The following NRAP variants were observed in gnomAD, a reference collection of about 807,000 sequenced individuals.
NRAP encodes nebulin related anchoring protein.
NRAP carries 189 observed loss-of-function variants against 225.9 expected under a neutral mutation model. The ratio of observed to expected loss-of-function variants is 0.84; its 90% CI spans 0.74 to 0.94. NRAP has a LOEUF of 0.94. Among genes scored for constraint, NRAP ranks in the 40% least tolerant of loss-of-function variants. The pLI, the probability that NRAP is intolerant of heterozygous loss-of-function variation, is 0.00. For synonymous variants in NRAP, 769 were observed against 790.7 expected (o/e 0.97, Z 0.46); for missense variants, 2,176 against 2,168.7 (o/e 1.00, Z -0.07).
chr10:113,635,078 TC>T (rs1242888688), intron 14 of NRAP, among the ~76,000 whole-genome samples: 1 of 152,224 alleles, frequency 6.6e-6, no homozygotes, highest in African/African-American at 2.4e-5. Flanking sequence ...ACTGCCTGGT[TC>T]CCACCTCAAG....
chr10:113,658,378 C>CA (rs1186407168), intron 3 of NRAP, among the ~76,000 whole-genome samples: 3 of 152,064 alleles, frequency 2.0e-5, no homozygotes, highest in African/African-American at 7.2e-5. Flanking sequence ...TCCATTTCCA[C>CA]AAAAAAACAC....
intron 35 of NRAP, among the ~76,000 whole-genome samples, chr10:113,599,778 C>T (rs563793428): frequency 3.9e-5 from 6 of 151,986 alleles, no homozygotes; most frequent in East Asian, 1.9e-4. Flanking sequence ...AAGATGGTTT[C>T]GAAGAAGGAT....
Position 113,588,910 on chromosome 10 carries a change from T to C in NRAP, c.*65A>G. 3.0e-6 allele frequency: 4 copies of C among 1,317,552 alleles called. No individual in the cohort carries two copies. Among genetic ancestry groups the C allele is most frequent in the Non-Finnish European group, 4.4e-6 (4 of 914,468 alleles). The allele number at this position is 1,317,552 out of a possible 1,614,324, so 81.6% of individuals were successfully genotyped here. ...TTCCAGCTTGCCGAAATCAAAGCCA[T>C]CTGAAGCCTGTCTCTGGTGAACAAA... On this transcript the variant is annotated 3_prime_UTR_variant, in exon 42 of 42. Transcript: ENST00000359988.
rs565656967 is a variant in NRAP, at chr10:113,614,796, G to A, written c.3186+43C>T. 10 of 1,178,176 alleles carry A rather than the reference G, an allele frequency of 8.5e-6. No individual in the cohort carries two copies. In the East Asian group the frequency reaches 1.4e-4, roughly 16 times the overall value. The allele number at this position is 1,178,176 out of a possible 1,614,324, so 73.0% of individuals were successfully genotyped here. The stretch of plus-strand genomic sequence containing the variant: ...TTACGGGCAAAAGGAGTGAAAACGG[G>A]TTAGTGTTGAACATTGTCACAAGAA... On this transcript the variant is annotated intron_variant, in intron 28 of 41. Transcript: ENST00000359988.
intron 35 of NRAP, among the ~76,000 whole-genome samples, chr10:113,600,303 C>G (rs1846525209): frequency 6.6e-6 from 1 of 151,896 alleles, no homozygotes; most frequent in Non-Finnish European, 1.5e-5. Context: ...CTCAGAGTAG[C>G]TGGGACCACA....
At chr10:113,604,121 AC>A (rs1384480191) in intron 35 of NRAP, among the ~76,000 whole-genome samples, 2 of 151,872 alleles carry the variant, frequency 1.3e-5, no homozygotes, top group Non-Finnish European at 1.5e-5. Flanking sequence ...GTCAATAAAG[AC>A]TGTTTTTTTT....
intron 3 of NRAP, among the ~76,000 whole-genome samples, 177 bp from the exon 4 acceptor site, chr10:113,657,751 C>G (rs541830916): frequency 6.6e-6 from 1 of 152,310 alleles, no homozygotes; most frequent in South Asian, 2.1e-4. Context: ...GCACCTCCAA[C>G]CAGGTGGCAC....
chr10:113,651,702 A>G, intron 7 of NRAP, 101 bp downstream of exon 7: 1 of 688,370 alleles, frequency 1.5e-6, no homozygotes, highest in African/African-American at 1.8e-5. Context: ...TTATAAAGAT[A>G]CATGCACGTG....
rs1000198500 is a variant in NRAP, at chr10:113,608,324, G to A, written c.3702+90C>T. 1.0e-5 allele frequency: 8 copies of A among 764,896 alleles called. No homozygotes were observed. The African/African-American group carries it at 1.2e-4, about 12-fold the overall frequency. 47.4% of individuals were successfully genotyped at this position (764,896 alleles called of 1,614,324 possible). A position where few individuals can be genotyped will look rare whatever the true frequency, so the allele number is the denominator to read the frequency against. ...TCCAAACCTCCACATAAACACCCAT[G>A]CTCTTTCTCACCCCAAACACATTCA... On this transcript the variant is annotated intron_variant, in intron 32 of 41. Coordinates refer to ENST00000359988, the MANE Select transcript of NRAP (RefSeq NM_198060.4).
At chr10:113,605,101 T>C (rs912028172) in intron 34 of NRAP, among the ~76,000 whole-genome samples, 181 bp from the exon 35 acceptor site, 18 of 152,142 alleles carry the variant, frequency 1.2e-4, no homozygotes, top group African/African-American at 4.1e-4. Context: ...ATTCTTCCTA[T>C]CTAATTAAAA....
chr10:113,595,549 A>T, intron 38 of NRAP, 74 bp downstream of exon 38: 1 of 954,956 alleles, frequency 1.0e-6, no homozygotes, highest in Middle Eastern at 2.2e-4. Flanking sequence ...TTTTTTAAAA[A>T]AACGAAATCC....
intron 3 of NRAP, among the ~76,000 whole-genome samples, chr10:113,662,102 C>T (rs1412141527): frequency 2.0e-5 from 3 of 152,028 alleles, no homozygotes; most frequent in Non-Finnish European, 4.4e-5. Flanking sequence ...TATATTGGCT[C>T]CTAATATTGT....
chr10:113,657,354 A>T, intron 4 of NRAP, 116 bp downstream of exon 4: 1 of 642,258 alleles, frequency 1.6e-6, no homozygotes, highest in Non-Finnish European at 2.8e-6. Flanking sequence ...TGGAATTACA[A>T]ACTGGGTGAA....
rs753312003 is a variant in NRAP at position 113,590,695 on chromosome 10, C to T, written c.4839G>A (p.Lys1613=). Residue 1613 remains lysine (K), a synonymous_variant, in exon 40 of 42, where the codon AAG becomes AAA. Transcript: ENST00000359988. ...STDQPGLLQA[K]RSQQLASDVH... is the part of the protein sequence containing the mutation. ...CATCACTGGCCAGCTGCTGGCTCCT[C>T]TTGGCCTGAAGGAGGCCGGGCTGGT... 1 of 1,614,196 alleles carries T rather than the reference C, an allele frequency of 6.2e-7. No individual in the cohort carries two copies. Among genetic ancestry groups the T allele is most frequent in the Non-Finnish European group, 8.5e-7 (1 of 1,180,044 alleles).
In NRAP at chr10:113,663,884, T is replaced by C; in HGVS notation, c.-2A>G. The C allele has an allele frequency of 6.2e-7, 1 of 1,612,890 alleles. No homozygotes were observed. The highest frequency in any genetic ancestry group is 8.5e-7 in the Non-Finnish European group (1 of 1,178,916). On this transcript the variant is annotated 5_prime_UTR_variant, in exon 1 of 42. Transcript: ENST00000359988. ...CCTAGAACAGGGCTGCACATTCATC[T>C]CGAAGCCGGAAGAGAGAGGACAAAG...
chr10:113,625,260 C>T (rs1848221337), intron 21 of NRAP, among the ~76,000 whole-genome samples: 1 of 152,148 alleles, frequency 6.6e-6, no homozygotes, highest in South Asian at 2.1e-4. Flanking sequence ...AAAAAATACC[C>T]CACCAGGGGG....
rs560241141 is a variant in NRAP, at chr10:113,643,048, C to A, written c.1111-10G>T. ...CCTTCTTATACTCCACCTTGGAAATCAAAACACCAGACACACAATAGAACC... is the reference window on the plus strand; with the variant it reads ...CCTTCTTATACTCCACCTTGGAAATAAAAACACCAGACACACAATAGAACC... On this transcript the variant is annotated splice_polypyrimidine_tract_variant and intron_variant, in intron 11 of 41. Coordinates refer to ENST00000359988, the MANE Select transcript of NRAP (RefSeq NM_198060.4). 7.5e-7 allele frequency: 1 copy of A among 1,338,108 alleles called. No individual in the cohort carries two copies. The highest frequency in any genetic ancestry group is 1.2e-5 in the South Asian group (1 of 85,314). The allele number at this position is 1,338,108 out of a possible 1,614,324, so 82.9% of individuals were successfully genotyped here. A position where few individuals can be genotyped will look rare whatever the true frequency, so the allele number is the denominator to read the frequency against.
chr10:113,628,198 T>A (rs1446408305), intron 20 of NRAP, among the ~76,000 whole-genome samples: 1 of 152,136 alleles, frequency 6.6e-6, no homozygotes, highest in Non-Finnish European at 1.5e-5. Flanking sequence ...ATTTTATTTA[T>A]TCTTTCTGAG....
In NRAP at chr10:113,608,442, G is replaced by A. The variant is rs200747403; in HGVS notation, c.3674C>T (p.Ala1225Val). ...ATTCGTTATCTGGTTGCTGAATTTCGCATGAAGGAGGTTGGGAGTGTCTGT... is the reference window on the plus strand; with the variant it reads ...ATTCGTTATCTGGTTGCTGAATTTCACATGAAGGAGGTTGGGAGTGTCTGT... ...AVTDTPNLLH[A>V]KFSNQITNER... Residue 1225 changes from alanine (A) to valine (V), a missense_variant, in exon 32 of 42, where the codon GCG becomes GTG. Ala to Val is a moderately conservative substitution (Grantham distance 64). Around this residue, in one of 3 missense-constraint regions of NRAP, gnomAD observed 1,708 missense variants for 1,695.5 expected, o/e 1.01. Coordinates refer to ENST00000359988, the MANE Select transcript of NRAP (RefSeq NM_198060.4). The A allele has an allele frequency of 5.8e-5, 94 of 1,612,300 alleles. No homozygotes were observed. The highest frequency in any genetic ancestry group is 2.2e-4 in the East Asian group (10 of 44,860).
Sources: gnomAD v4.1 joint callset for allele counts (sites outside exome capture counted in the v4.1 genomes callset) on GRCh38, gnomAD v4.1.1 for gene constraint, gnomAD v4.1.1 regional missense constraint, MANE v1.5 for transcripts, NCBI Gene and HGNC (gene_info 2026-07-23, HGNC 2026-07-21) for gene names.